Variants in PHLPP1 observed in about 807,000 individuals in gnomAD.
The protein encoded by PHLPP1 is PH domain leucine-rich repeat-containing protein phosphatase 1.
Under a neutral mutation model 117.2 loss-of-function variants are expected in PHLPP1, and 42 were observed. That is an observed-to-expected ratio of 0.36 (90% CI 0.28 to 0.46). The LOEUF (loss-of-function observed/expected upper bound fraction) is 0.46. Ranked by LOEUF, PHLPP1 falls within the 20% of genes least tolerant of loss-of-function variation. PHLPP1 has a pLI of 1.00. For synonymous variants in PHLPP1, 1,042 were observed against 970.7 expected, an observed-to-expected ratio of 1.07 and a Z score of -1.37; for missense variants, 2,084 against 2,241.9, an observed-to-expected ratio of 0.93 and a Z score of 1.42.
At chr18:62,774,276 C>G (rs1441715795) in intron 1 of PHLPP1, among the ~76,000 whole-genome samples, 2 of 152,104 alleles carry the variant, frequency 1.3e-5, no homozygotes, top group Non-Finnish European at 2.9e-5. Flanking sequence ...GCTATTTTTG[C>G]TCCTCTGTGA....
intron 1 of PHLPP1, among the ~76,000 whole-genome samples, chr18:62,821,173 T>C (rs1420329412): frequency 6.6e-6 from 1 of 152,174 alleles, no homozygotes; most frequent in African/African-American, 2.4e-5. Flanking sequence ...GGCTCACGCC[T>C]GTAATCCCAA....
intron 4 of PHLPP1, among the ~76,000 whole-genome samples, chr18:62,865,553 A>G (rs1412954016): frequency 6.6e-6 from 1 of 152,230 alleles, no homozygotes; most frequent in Non-Finnish European, 1.5e-5. Context: ...ATCATAGAAC[A>G]TCAAAGGCTT....
chr18:62,970,670 G>A (rs1352196165), intron 14 of PHLPP1, among the ~76,000 whole-genome samples: 1 of 152,046 alleles, frequency 6.6e-6, no homozygotes, highest in African/African-American at 2.4e-5. Flanking sequence ...GAGGCTGAGG[G>A]AGGAGAACCA....
chr18:62,940,531 A>G (rs1274262144), intron 10 of PHLPP1, among the ~76,000 whole-genome samples: 1 of 151,232 alleles, frequency 6.6e-6, no homozygotes, highest in Admixed American at 6.6e-5. Context: ...CACCCGGCTA[A>G]TTTTTTGTAT....
chr18:62,970,742 G>GT (rs1911027669), intron 14 of PHLPP1, among the ~76,000 whole-genome samples: 1 of 152,146 alleles, frequency 6.6e-6, no homozygotes, highest in Non-Finnish European at 1.5e-5. Context: ...TCCAGCCTGT[G>GT]TGACAGAGTG....
intron 10 of PHLPP1, among the ~76,000 whole-genome samples, chr18:62,938,994 C>CTTTCTTTTT (rs368316862): frequency 0.016 from 2,014 of 128,622 alleles, 56 homozygotes; most frequent in Non-Finnish European, 0.021. Flanking sequence ...TTCTTTCTTT[C>CTTTCTTTTT]TTTTTTTTTT....
At chr18:62,734,292 T>A (rs1225627258) in intron 1 of PHLPP1, among the ~76,000 whole-genome samples, 2 of 152,180 alleles carry the variant, frequency 1.3e-5, no homozygotes, top group Admixed American at 1.3e-4. Context: ...GGTCATTTTT[T>A]AAAAACCTCT....
At position 62,967,453 on chromosome 18, in the gene PHLPP1, C is replaced by T. The variant is rs1180854849; in HGVS notation, c.3560+3981C>T. 2.6e-5 allele frequency among the ~76,000 whole-genome samples: 4 copies of T among 152,090 alleles called. No individual in the cohort carries two copies. The East Asian group carries it at 7.7e-4, about 29-fold the overall frequency. On this transcript the variant is annotated intron_variant, in intron 14 of 16. Transcript: ENST00000262719. ...GTTTTGGCCATTCTAATAATAATAT[C>T]TCATTGTGGTTTTAATTTGCATTTC...
intron 1 of PHLPP1, among the ~76,000 whole-genome samples, chr18:62,821,691 G>A (rs1914463331): frequency 6.6e-6 from 1 of 151,358 alleles, no homozygotes; most frequent in Non-Finnish European, 1.5e-5. Flanking sequence ...ACCAATATCA[G>A]GAATGAAAGA....
At chr18:62,820,469 A>AT (rs1914418414) in intron 1 of PHLPP1, among the ~76,000 whole-genome samples, 1 of 152,232 alleles carries the variant, frequency 6.6e-6, no homozygotes, top group Non-Finnish European at 1.5e-5. Flanking sequence ...TGTAATCCCC[A>AT]TAATACCCAC....
chr18:62,918,429 A>AATAAATAAATATATATATATAT (rs375057055), intron 9 of PHLPP1, among the ~76,000 whole-genome samples: 2 of 140,458 alleles, frequency 1.4e-5, no homozygotes, highest in African/African-American at 5.4e-5. Context: ...GTAAAGGATA[A>AATAAATAAATATATATATATAT]ATATATATAT....
At chr18:62,781,585 A>G (rs1229021223) in intron 1 of PHLPP1, among the ~76,000 whole-genome samples, 1 of 152,032 alleles carries the variant, frequency 6.6e-6, no homozygotes, top group African/African-American at 2.4e-5. Context: ...GTGGTTTTGT[A>G]TTCCTCTTTC....
At position 62,895,814 on chromosome 18, in the gene PHLPP1, C is replaced by G. The variant is rs1410340738; in HGVS notation, c.2247C>G (p.Leu749=). ...LQTFLLDGNF[L]QSLPAELENM... is the part of the protein sequence containing the mutation. Reference sequence around the variant, plus strand: ...CATTTTTGTTGGATGGAAACTTTCTCCAATCCCTTCCTGCTGAGTTGGAGA... The same window carrying G: ...CATTTTTGTTGGATGGAAACTTTCTGCAATCCCTTCCTGCTGAGTTGGAGA... Residue 749 remains leucine, a synonymous_variant, in exon 6 of 17, where the codon CTC becomes CTG. Coordinates refer to ENST00000262719, the MANE Select transcript of PHLPP1 (RefSeq NM_194449.4). The G allele has an allele frequency of 6.2e-7, 1 of 1,612,798 alleles. No individual in the cohort carries two copies. Among genetic ancestry groups the G allele is most frequent in the South Asian group, 1.1e-5 (1 of 91,058 alleles).
chr18:62,846,778 G>A (rs1034154156), intron 3 of PHLPP1, among the ~76,000 whole-genome samples: 2 of 152,046 alleles, frequency 1.3e-5, no homozygotes, highest in East Asian at 1.9e-4. Flanking sequence ...TTAGGGAGAA[G>A]GTAACATTTT....
At chr18:62,725,591 C>G (rs1599014161) in intron 1 of PHLPP1, among the ~76,000 whole-genome samples, 1 of 151,872 alleles carries the variant, frequency 6.6e-6, no homozygotes, top group East Asian at 1.9e-4. Flanking sequence ...CAGAAATATG[C>G]CATTGCTTTG....
chr18:62,978,599 C>T lies in PHLPP1; in HGVS notation c.4322C>T (p.Pro1441Leu). The T allele has an allele frequency of 6.2e-7, 1 of 1,613,700 alleles. No homozygotes were observed. The highest frequency in any genetic ancestry group is 8.5e-7 in the Non-Finnish European group (1 of 1,179,722). ...CCELSAGGAV[P>L]PPSPGIFPPS... ...GAGCTCAGCGCCGGTGGGGCTGTGC[C>T]ACCACCCAGTCCTGGCATCTTTCCT... Residue 1441 changes from proline (P) to leucine (L), a missense_variant, in exon 17 of 17, where the codon CCA (proline) becomes CTA (leucine). This residue lies in a region of PHLPP1 where 1,365 missense variants were observed against 1,605.9 expected (regional missense o/e 0.85). Transcript: ENST00000262719. The surrounding 1 kb of genome is among the most constrained non-coding windows in gnomAD (Gnocchi z 7.0).
Position 62,979,596 on chromosome 18 carries a change from T to C in PHLPP1, c.*165T>C. 1.4e-6 allele frequency: 1 copy of C among 719,148 alleles called. No individual in the cohort carries two copies. 44.5% of individuals were successfully genotyped at this position (719,148 alleles called of 1,614,324 possible). On this transcript the variant is annotated 3_prime_UTR_variant, in exon 17 of 17. Coordinates refer to ENST00000262719, the MANE Select transcript of PHLPP1 (RefSeq NM_194449.4). ...TAGGTTCTCTTTCTTTGGGTTATTT[T>C]TTTAAGTAATCACCACTTTCTTCTA...
chr18:62,716,234 C>CGCTGCA lies in PHLPP1; in HGVS notation c.560_565dup (p.Leu187_Gln188dup), dbSNP rs748657254. The CGCTGCA allele has an allele frequency of 2.0e-6, 3 of 1,528,958 alleles. No homozygotes were observed. The highest frequency in any genetic ancestry group is 1.2e-5 in the South Asian group (1 of 83,078). The allele number at this position is 1,528,958 out of a possible 1,614,324, so 94.7% of individuals were successfully genotyped here. ...ACGCTGCTTCTGAAGCACCGGCAGA[C>CGCTGCA]GCTGCAGCTGCAGCCGTCGGACCGG... On this transcript the variant is annotated inframe_insertion, in exon 1 of 17. Coordinates refer to ENST00000262719, the MANE Select transcript of PHLPP1 (RefSeq NM_194449.4). The surrounding 1 kb of genome is among the most constrained non-coding windows in gnomAD (Gnocchi z 5.7).
intron 1 of PHLPP1, among the ~76,000 whole-genome samples, chr18:62,783,149 T>TAA (rs1568115914): frequency 2.0e-5 from 3 of 146,664 alleles, no homozygotes; most frequent in African/African-American, 5.1e-5. Flanking sequence ...TTTCAGAGTT[T>TAA]TAAAAAAAAA....
Sources: allele counts gnomAD v4.1 joint callset (sites outside exome capture counted in the v4.1 genomes callset), GRCh38; gene constraint gnomAD v4.1.1; regional missense constraint gnomAD v4.1.1; non-coding constraint Gnocchi (gnomAD v3.1); transcripts MANE v1.5; gene names NCBI Gene and HGNC (gene_info 2026-07-23, HGNC 2026-07-21).